Variants in RHBDL2 observed in about 807,000 individuals in gnomAD.
RHBDL2 encodes rhomboid like 2.
Under a neutral mutation model 31.7 loss-of-function variants are expected in RHBDL2, and 26 were observed. The observed-to-expected ratio is 0.82, with a 90% CI of 0.60 to 1.14. RHBDL2 has a LOEUF of 1.14. RHBDL2 is among the 50% of genes most tolerant of loss of function. The pLI, the probability that RHBDL2 is intolerant of heterozygous loss-of-function variation, is 0.00. For missense variants in RHBDL2, 336 were observed against 364.4 expected, an observed-to-expected ratio of 0.92 and a Z score of 0.63; for synonymous variants, 123 against 127.2, an observed-to-expected ratio of 0.97 and a Z score of 0.22.
intron 1 of RHBDL2, among the ~76,000 whole-genome samples, chr1:38,933,351 C>T (rs572351997): frequency 1.3e-5 from 2 of 152,260 alleles, no homozygotes; most frequent in East Asian, 3.9e-4. Flanking sequence ...CCTGCCCATG[C>T]CTTCCCGCAC....
intron 4 of RHBDL2, among the ~76,000 whole-genome samples, chr1:38,910,753 C>CTTTTTTTTT (rs765064879): frequency 9.9e-5 from 11 of 111,070 alleles, no homozygotes; most frequent in East Asian, 2.5e-4. Flanking sequence ...TATTCCTTTT[C>CTTTTTTTTT]TTTTTTTTTT....
In RHBDL2 at chr1:38,894,697, C is replaced by CTTTTCTTTTCTTTTTTTTTT. The variant is rs1557608827; in HGVS notation, c.609+1271_609+1272insAAAAAAAAAAGAAAAGAAAA. 8.9e-5 allele frequency among the ~76,000 whole-genome samples: 6 copies of CTTTTCTTTTCTTTTTTTTTT among 67,368 alleles called. 1 individual carries two copies. The highest frequency in any genetic ancestry group is 2.0e-4 in the Non-Finnish European group (5 of 25,498). 44.2% of individuals were successfully genotyped at this position (67,368 alleles called of 152,430 possible). A position where few individuals can be genotyped will look rare whatever the true frequency, so the allele number is the denominator to read the frequency against. ...AAAAAGCATTTCTTTTCTTTTTTTT[C>CTTTTCTTTTCTTTTTTTTTT]TTTTTTTTTCTTTTTTTTTTTTTTT... On this transcript the variant is annotated intron_variant, in intron 5 of 7. Coordinates refer to ENST00000372990, the MANE Select transcript of RHBDL2 (RefSeq NM_017821.5).
At chr1:38,905,593 A>C (rs1375706501) in intron 4 of RHBDL2, among the ~76,000 whole-genome samples, 1 of 149,716 alleles carries the variant, frequency 6.7e-6, no homozygotes, top group African/African-American at 2.5e-5. Flanking sequence ...CTACAGGAAA[A>C]AAAAAAAAAA....
intron 1 of RHBDL2, 193 bp from the exon 2 acceptor site, chr1:38,919,530 C>A (rs1162901429): frequency 3.7e-6 from 1 of 270,688 alleles, no homozygotes; most frequent in African/African-American, 2.2e-5. Context: ...CCTCAAATTA[C>A]ATATTTCTTA....
chr1:38,935,419 A>G (rs1643488564), intron 1 of RHBDL2, among the ~76,000 whole-genome samples: 1 of 152,230 alleles, frequency 6.6e-6, no homozygotes, highest in Non-Finnish European at 1.5e-5. Context: ...TCTGAATTCA[A>G]ATTCTGATTT....
intron 4 of RHBDL2, among the ~76,000 whole-genome samples, chr1:38,899,466 C>T (rs1390196898): frequency 6.6e-6 from 1 of 152,110 alleles, no homozygotes; most frequent in African/African-American, 2.4e-5. Flanking sequence ...TTGGTGAGCC[C>T]AAGAGTGCTC....
In RHBDL2 at chr1:38,886,502, G is replaced by C; in HGVS notation, c.*2C>G. On this transcript the variant is annotated 3_prime_UTR_variant, in exon 8 of 8. Coordinates refer to ENST00000372990, the MANE Select transcript of RHBDL2 (RefSeq NM_017821.5). ...TATTAATTGACTTACAATAGGGGCA[G>C]GTCAGTTTGCTGGAGATAGGAAAAT... 1.3e-6 allele frequency: 2 copies of C among 1,565,728 alleles called. No individual in the cohort carries two copies. The highest frequency in any genetic ancestry group is 1.7e-6 in the Non-Finnish European group (2 of 1,148,860).
rs181882285 is a variant in RHBDL2 at position 38,938,295 on chromosome 1, G to T, written c.-126+3387C>A. Among the ~76,000 whole-genome samples, 1,065 of 152,196 alleles carry T rather than the reference G, an allele frequency of 7.0e-3. 11 individuals are homozygous for T. The highest frequency in any genetic ancestry group is 0.031 in the Middle Eastern group (9 of 294). The stretch of plus-strand genomic sequence containing the variant: ...CTCCCAAAGTGCTGGGATTAGAGGC[G>T]TGAGCCACCGCGCCCAGCCAAAATC... On this transcript the variant is annotated intron_variant, in intron 1 of 7. Transcript: ENST00000372990.
At chr1:38,934,519 G>C (rs9438918) in intron 1 of RHBDL2, among the ~76,000 whole-genome samples, 2 of 150,440 alleles carry the variant, frequency 1.3e-5, no homozygotes, top group African/African-American at 2.4e-5. Context: ...TAGCCAGGAG[G>C]GGTGATGGGC....
chr1:38,896,979 C>A (rs1642926026), intron 4 of RHBDL2, among the ~76,000 whole-genome samples: 1 of 152,160 alleles, frequency 6.6e-6, no homozygotes, highest in African/African-American at 2.4e-5. Flanking sequence ...AATATAACAA[C>A]TACTATGACA....
At chr1:38,914,387 G>A (rs899785993) in intron 3 of RHBDL2, among the ~76,000 whole-genome samples, 4 of 151,688 alleles carry the variant, frequency 2.6e-5, no homozygotes, top group African/African-American at 7.3e-5. Flanking sequence ...GATTACAAGC[G>A]CATGCCACCA....
At chr1:38,915,398 T>G (rs1557617105) in intron 3 of RHBDL2, 164 bp downstream of exon 3, 1 of 650,676 alleles carries the variant, frequency 1.5e-6, no homozygotes, top group Admixed American at 2.9e-5. Flanking sequence ...CTACATCTCC[T>G]ATGCCTCAGA....
intron 4 of RHBDL2, among the ~76,000 whole-genome samples, chr1:38,910,753 C>CTTTTTTTTTTTTTTTTTTT (rs765064879): frequency 1.8e-5 from 2 of 111,072 alleles, no homozygotes; most frequent in Non-Finnish European, 1.8e-5. Context: ...TATTCCTTTT[C>CTTTTTTTTTTTTTTTTTTT]TTTTTTTTTT....
chr1:38,893,847 C>T (rs1642882761), intron 5 of RHBDL2, among the ~76,000 whole-genome samples: 1 of 152,116 alleles, frequency 6.6e-6, no homozygotes, highest in African/African-American at 2.4e-5. Context: ...TCAAGCCTTC[C>T]TCCTGTCTCA....
chr1:38,931,306 G>C (rs915857665), intron 1 of RHBDL2, among the ~76,000 whole-genome samples: 2 of 152,108 alleles, frequency 1.3e-5, no homozygotes, highest in Non-Finnish European at 2.9e-5. Flanking sequence ...CAGATCACGA[G>C]GTCAGGAGAT....
At chr1:38,917,138 C>T (rs142596528) in intron 2 of RHBDL2, among the ~76,000 whole-genome samples, 1,761 of 151,062 alleles carry the variant, frequency 0.012, 50 homozygotes, top group African/African-American at 0.041. Flanking sequence ...CTGCCTCAGC[C>T]TCCCAAGTAG....
chr1:38,901,000 A>G lies in RHBDL2; in HGVS notation c.509-4931T>C, dbSNP rs557580774. On this transcript the variant is annotated intron_variant, in intron 4 of 7. Transcript: ENST00000372990. ...GAGGCAGAGGCTACAGTGAGCCAAG[A>G]TCACATCACTGCACTCCAATCTGGG... Among the ~76,000 whole-genome samples the G allele has an allele frequency of 2.0e-3, 307 of 152,186 alleles. 1 individual carries two copies. Among genetic ancestry groups the G allele is most frequent in the Middle Eastern group, 3.4e-3 (1 of 292 alleles).
chr1:38,931,247 C>T (rs1334718187), intron 1 of RHBDL2, among the ~76,000 whole-genome samples: 1 of 152,142 alleles, frequency 6.6e-6, no homozygotes, highest in African/African-American at 2.4e-5. Context: ...GGCGGCCAGG[C>T]ACTATGGCTC....
chr1:38,890,228 G>C (rs990595282), intron 6 of RHBDL2, among the ~76,000 whole-genome samples: 5 of 151,826 alleles, frequency 3.3e-5, no homozygotes, highest in Admixed American at 2.6e-4. Flanking sequence ...AGTAGAGACG[G>C]GGTTTCACCA....
Sources: allele counts gnomAD v4.1 joint callset (sites outside exome capture counted in the v4.1 genomes callset), GRCh38; gene constraint gnomAD v4.1.1; transcripts MANE v1.5; gene names NCBI Gene and HGNC (gene_info 2026-07-23, HGNC 2026-07-21).